TMEM116: variants seen among roughly 807,000 people sequenced by gnomAD.
TMEM116 encodes transmembrane protein 116.
TMEM116 carries 38 observed loss-of-function variants against 44.3 expected under a neutral mutation model. The ratio of observed to expected loss-of-function variants is 0.86; its 90% CI spans 0.66 to 1.12. The LOEUF is 1.12. Among genes scored for constraint, TMEM116 ranks in the 50% most tolerant of loss-of-function variants. The pLI, the probability that TMEM116 is intolerant of heterozygous loss-of-function variation, is 0.00. For missense variants in TMEM116, 354 were observed against 401.7 expected (o/e 0.88, Z 1.01); for synonymous variants, 132 against 144.8 (o/e 0.91, Z 0.64).
chr12:111,954,649 T>G (rs1184588961), intron 4 of TMEM116, among the ~76,000 whole-genome samples: 1 of 152,232 alleles, frequency 6.6e-6, no homozygotes, highest in Admixed American at 6.5e-5. Flanking sequence ...CCAGGTCCGA[T>G]CGACTGCAAA....
chr12:111,937,592 A>G (rs1018071593), intron 6 of TMEM116, among the ~76,000 whole-genome samples: 2 of 152,200 alleles, frequency 1.3e-5, no homozygotes, highest in East Asian at 1.9e-4. Flanking sequence ...TTTACTTTCT[A>G]TGGTGACCAG....
intron 4 of TMEM116, chr12:111,978,810 G>C (rs1421061170): frequency 2.3e-6 from 1 of 432,548 alleles, no homozygotes; most frequent in Admixed American, 2.5e-5. Flanking sequence ...AATGCCTGTT[G>C]TTTAAGTCAC....
At chr12:112,000,325 C>T (rs1400130030) in intron 3 of TMEM116, among the ~76,000 whole-genome samples, 1 of 152,118 alleles carries the variant, frequency 6.6e-6, no homozygotes, top group Non-Finnish European at 1.5e-5. Context: ...TAAGCATTCA[C>T]ATCATGGCTA....
intron 4 of TMEM116, among the ~76,000 whole-genome samples, chr12:111,982,286 T>TA (rs1357843433): frequency 2.0e-5 from 3 of 151,704 alleles, no homozygotes; most frequent in African/African-American, 4.9e-5. Flanking sequence ...CATTATGTTT[T>TA]ACATCATAAA....
intron 4 of TMEM116, among the ~76,000 whole-genome samples, chr12:111,945,169 C>A (rs988256978): frequency 7.3e-5 from 11 of 150,058 alleles, no homozygotes; most frequent in African/African-American, 2.7e-4. Context: ...ATGGTGAAAC[C>A]CCCATCTCTA....
chr12:112,006,305 A>C (rs7296841), intron 1 of TMEM116, among the ~76,000 whole-genome samples: 21,620 of 152,196 alleles, frequency 0.14, 1,919 homozygotes, highest in African/African-American at 0.25. Flanking sequence ...TGAGAAAAAA[A>C]GATGAGTCAT....
chr12:111,965,745 GA>G, intron 4 of TMEM116: 1 of 384,026 alleles, frequency 2.6e-6, no homozygotes, highest in Admixed American at 3.2e-5. Context: ...CAAACATGGC[GA>G]AACCCCGTCT....
chr12:112,013,133 G>C lies in TMEM116; in HGVS notation c.-165C>G. 1 of 307,546 alleles carries C rather than the reference G, an allele frequency of 3.3e-6. No homozygotes were observed. Among genetic ancestry groups the C allele is most frequent in the Non-Finnish European group, 6.1e-6 (1 of 165,072 alleles). The allele number at this position is 307,546 out of a possible 1,614,324, so 19.1% of individuals were successfully genotyped here. A position where few individuals can be genotyped will look rare whatever the true frequency, so the allele number is the denominator to read the frequency against. On this transcript the variant is annotated 5_prime_UTR_variant, in exon 1 of 11. Coordinates refer to ENST00000552374, the MANE Select transcript of TMEM116 (RefSeq NM_001193531.2). ...GCTATAGCGTCCCCATGCGCACTTG[G>C]CGCTTCTCCTCAAGCGGAGCAGGAA...
chr12:111,962,294 T>C (rs1436753974), intron 4 of TMEM116, among the ~76,000 whole-genome samples: 1 of 152,166 alleles, frequency 6.6e-6, no homozygotes, highest in Middle Eastern at 3.2e-3. Context: ...CTGACTTTCT[T>C]CACAAAATTA....
chr12:111,955,816 A>G (rs961417119), intron 4 of TMEM116, among the ~76,000 whole-genome samples: 1 of 152,194 alleles, frequency 6.6e-6, no homozygotes, highest in African/African-American at 2.4e-5. Flanking sequence ...TTGTGTTACA[A>G]TGGCCTATAG....
chr12:111,943,922 T>G (rs965442627), intron 4 of TMEM116, among the ~76,000 whole-genome samples: 5 of 152,172 alleles, frequency 3.3e-5, no homozygotes, highest in Admixed American at 2.6e-4. Flanking sequence ...AACCACAGCA[T>G]TATCCACCTC....
chr12:111,960,616 TC>T (rs1221529455), intron 4 of TMEM116, among the ~76,000 whole-genome samples: 3 of 151,738 alleles, frequency 2.0e-5, no homozygotes, highest in Admixed American at 6.6e-5. Context: ...ATACGTAAGT[TC>T]TTTGAAACCA....
chr12:111,957,053 G>A (rs1455924810), intron 4 of TMEM116, among the ~76,000 whole-genome samples: 8 of 151,532 alleles, frequency 5.3e-5, no homozygotes, highest in South Asian at 2.1e-4. Flanking sequence ...CCACCACCCC[G>A]TCTAGGAAGT....
chr12:112,013,212 C>T (rs904543328), upstream of TMEM116: 33 of 434,092 alleles, frequency 7.6e-5, no homozygotes, highest in African/African-American at 6.8e-4. Context: ...CGCAGGAGCC[C>T]ATTTTCCCGC....
chr12:111,945,512 T>C (rs1350567298), intron 4 of TMEM116, among the ~76,000 whole-genome samples: 1 of 152,268 alleles, frequency 6.6e-6, no homozygotes, highest in East Asian at 1.9e-4. Flanking sequence ...GTTTAAAATT[T>C]TGTAACACCT....
intron 5 of TMEM116, 32 bp downstream of exon 5, chr12:111,943,233 A>G (rs759060262): frequency 5.8e-6 from 9 of 1,539,832 alleles, no homozygotes; most frequent in Non-Finnish European, 8.1e-6. Flanking sequence ...CTAGCATACT[A>G]TTATTAACTA....
chr12:111,971,374 G>A (rs2136458705), intron 4 of TMEM116, among the ~76,000 whole-genome samples: 2 of 152,188 alleles, frequency 1.3e-5, no homozygotes, highest in South Asian at 2.1e-4. Flanking sequence ...AAGATTGGGA[G>A]AAGAGAAATG....
chr12:111,950,518 A>G (rs1171510688), intron 4 of TMEM116, among the ~76,000 whole-genome samples: 1 of 152,106 alleles, frequency 6.6e-6, no homozygotes, highest in Admixed American at 6.5e-5. Flanking sequence ...AGAGCCCAGA[A>G]ATAAGGCTGC....
At chr12:112,008,522 T>C (rs1238702620) in intron 1 of TMEM116, among the ~76,000 whole-genome samples, 1 of 151,638 alleles carries the variant, frequency 6.6e-6, no homozygotes, top group Non-Finnish European at 1.5e-5. Context: ...CCTATCCCAG[T>C]TCTTAACTTA....
Sources: allele counts gnomAD v4.1 joint callset (sites outside exome capture counted in the v4.1 genomes callset), GRCh38; gene constraint gnomAD v4.1.1; transcripts MANE v1.5; gene names NCBI Gene and HGNC (gene_info 2026-07-23, HGNC 2026-07-21).